EPB41L4B: variants seen among roughly 807,000 people sequenced by gnomAD.
The protein encoded by EPB41L4B is band 4.1-like protein 4B.
EPB41L4B carries 30 observed loss-of-function variants against 112.5 expected under a neutral mutation model. That is an observed-to-expected ratio of 0.27 (90% CI 0.20 to 0.36). The LOEUF is 0.36. Among genes scored for constraint, EPB41L4B ranks in the 10% least tolerant of loss-of-function variants. EPB41L4B has a pLI of 1.00. For synonymous variants in EPB41L4B, 408 were observed against 439.7 expected (o/e 0.93, Z 0.90); for missense variants, 1,024 against 1,133.3 (o/e 0.90, Z 1.38).
chr9:109,240,798 C>T (rs1430479014), intron 15 of EPB41L4B: 2 of 985,296 alleles, frequency 2.0e-6, no homozygotes. Flanking sequence ...AACCAATCCC[C>T]CAATTCTGAC....
intron 15 of EPB41L4B, among the ~76,000 whole-genome samples, chr9:109,231,165 A>T (rs1464388041): frequency 6.6e-6 from 1 of 152,092 alleles, no homozygotes; most frequent in Admixed American, 6.5e-5. Flanking sequence ...CTCAAAAAAA[A>T]AAAAAAAAAG....
intron 13 of EPB41L4B, among the ~76,000 whole-genome samples, chr9:109,250,936 C>T (rs1834764141): frequency 6.6e-6 from 1 of 152,222 alleles, no homozygotes; most frequent in Non-Finnish European, 1.5e-5. Flanking sequence ...CTGTGAAAGA[C>T]ACAGCAGAGC....
In EPB41L4B at chr9:109,250,225, G is replaced by C. The variant is rs770594581; in HGVS notation, c.1310+1256C>G. On this transcript the variant is annotated intron_variant, in intron 13 of 25. Coordinates refer to ENST00000374566, the MANE Select transcript of EPB41L4B (RefSeq NM_019114.5). Reference sequence around the variant, plus strand: ...TTGCAAAAAAGAAAACGGAGGCCCAGAAGTAGGAAGGCCTAAGTCTCCAGA... The same window carrying C: ...TTGCAAAAAAGAAAACGGAGGCCCACAAGTAGGAAGGCCTAAGTCTCCAGA... 5.9e-5 allele frequency among the ~76,000 whole-genome samples: 9 copies of C among 152,224 alleles called. No homozygotes were observed. The South Asian group carries it at 6.2e-4, about 11-fold the overall frequency.
At chr9:109,303,373 T>A (rs1837052060) in intron 1 of EPB41L4B, among the ~76,000 whole-genome samples, 1 of 152,210 alleles carries the variant, frequency 6.6e-6, no homozygotes, top group Non-Finnish European at 1.5e-5. Flanking sequence ...TGAGACAGCA[T>A]CTTGCTCTGT....
At chr9:109,183,422 A>C (rs1035615456) in intron 23 of EPB41L4B, among the ~76,000 whole-genome samples, 1 of 152,214 alleles carries the variant, frequency 6.6e-6, no homozygotes, top group Non-Finnish European at 1.5e-5. Context: ...GGCTTGATGC[A>C]CAAAGATGCC....
At chr9:109,287,482 G>A (rs189218202) in intron 1 of EPB41L4B, among the ~76,000 whole-genome samples, 1 of 152,328 alleles carries the variant, frequency 6.6e-6, no homozygotes, top group East Asian at 1.9e-4. Flanking sequence ...GAGGAAATAA[G>A]CTGTATGTGA....
chr9:109,236,810 C>T (rs564161305), intron 15 of EPB41L4B, among the ~76,000 whole-genome samples: 1 of 152,168 alleles, frequency 6.6e-6, no homozygotes, highest in Non-Finnish European at 1.5e-5. Flanking sequence ...CAGTGACTTG[C>T]TTTTTCTCTC....
intron 18 of EPB41L4B, among the ~76,000 whole-genome samples, chr9:109,207,357 T>A (rs1221377384): frequency 6.6e-6 from 1 of 151,822 alleles, no homozygotes; most frequent in Non-Finnish European, 1.5e-5. Context: ...ATTGCTTGAG[T>A]CCAGGAGTTC....
chr9:109,257,225 G>C (rs1835016002), intron 7 of EPB41L4B, among the ~76,000 whole-genome samples: 1 of 152,148 alleles, frequency 6.6e-6, no homozygotes. Flanking sequence ...AGGGATAAGA[G>C]AAAGTCATGC....
intron 13 of EPB41L4B, among the ~76,000 whole-genome samples, chr9:109,248,901 T>C (rs1196878380): frequency 6.6e-6 from 1 of 151,002 alleles, no homozygotes; most frequent in Non-Finnish European, 1.5e-5. Flanking sequence ...CTACTAAAAA[T>C]ACAAAAAATT....
At chr9:109,256,013 C>T (rs1445682677) in intron 9 of EPB41L4B, 123 bp downstream of exon 9, 1 of 1,131,798 alleles carries the variant, frequency 8.8e-7, no homozygotes, top group Non-Finnish European at 1.3e-6. Flanking sequence ...CCCACAACAG[C>T]AGCACCGTGT....
chr9:109,233,467 T>C (rs765674908), intron 15 of EPB41L4B, among the ~76,000 whole-genome samples: 3 of 151,944 alleles, frequency 2.0e-5, no homozygotes, highest in Non-Finnish European at 4.4e-5. Context: ...TTGCCCACAT[T>C]CCCTTTTTCA....
rs1832492674 is a variant in EPB41L4B at position 109,192,459 on chromosome 9, T to A, written c.2224-104A>T. On this transcript the variant is annotated intron_variant, in intron 21 of 25. Coordinates refer to ENST00000374566, the MANE Select transcript of EPB41L4B (RefSeq NM_019114.5). The stretch of plus-strand genomic sequence containing the variant: ...GTTCCCAGCCTCTCCTCTACACTGA[T>A]CTCATTAGCAATGACAATCCCCTTG... 6.8e-6 allele frequency: 5 copies of A among 740,344 alleles called. 1 individual carries two copies. The Admixed American group carries it at 8.6e-5, about 13-fold the overall frequency. The allele number at this position is 740,344 out of a possible 1,614,324, so 45.9% of individuals were successfully genotyped here. A position where few individuals can be genotyped will look rare whatever the true frequency, so the allele number is the denominator to read the frequency against.
At chr9:109,295,731 T>C (rs987375079) in intron 1 of EPB41L4B, among the ~76,000 whole-genome samples, 1 of 152,080 alleles carries the variant, frequency 6.6e-6, no homozygotes, top group Non-Finnish European at 1.5e-5. Flanking sequence ...TTTCTGCTAC[T>C]GAAAGGTTAA....
At position 109,172,920 on chromosome 9, in the gene EPB41L4B, T is replaced by C. The variant is rs1436915101; in HGVS notation, c.*1634A>G. ...TAAGGAGAGGGGCAGGAGAGCAAAC[T>C]ATACAATATAACATAAAAATACAGT... On this transcript the variant is annotated 3_prime_UTR_variant, in exon 26 of 26. Transcript: ENST00000374566. 1 of 152,566 alleles carries C rather than the reference T, an allele frequency of 6.6e-6. No individual in the cohort carries two copies. Among genetic ancestry groups the C allele is most frequent in the Non-Finnish European group, 1.5e-5 (1 of 68,012 alleles). 9.5% of individuals were successfully genotyped at this position (152,566 alleles called of 1,614,324 possible). A position where few individuals can be genotyped will look rare whatever the true frequency, so the allele number is the denominator to read the frequency against.
intron 14 of EPB41L4B, among the ~76,000 whole-genome samples, chr9:109,244,532 G>A (rs1428873528): frequency 7.2e-6 from 1 of 138,946 alleles, no homozygotes; most frequent in Non-Finnish European, 1.5e-5. Flanking sequence ...TCTACCTCCT[G>A]GGTTCAAGCG....
intron 2 of EPB41L4B, among the ~76,000 whole-genome samples, chr9:109,270,744 G>A (rs887803820): frequency 6.6e-6 from 1 of 152,062 alleles, no homozygotes; most frequent in African/African-American, 2.4e-5. Flanking sequence ...ACAAGTTTAG[G>A]CCTCCCTTTC....
intron 22 of EPB41L4B, among the ~76,000 whole-genome samples, chr9:109,190,037 A>T (rs569728436): frequency 1.6e-4 from 25 of 152,178 alleles, no homozygotes; most frequent in Non-Finnish European, 2.9e-4. Flanking sequence ...CTGGGTTCAA[A>T]TGATTCTCTT....
intron 2 of EPB41L4B, among the ~76,000 whole-genome samples, chr9:109,269,772 T>C (rs933726395): frequency 1.3e-5 from 2 of 152,156 alleles, no homozygotes; most frequent in Non-Finnish European, 2.9e-5. Context: ...TCAGAGGCCA[T>C]TCTGCTGACT....
Sources: allele counts gnomAD v4.1 joint callset (sites outside exome capture counted in the v4.1 genomes callset), GRCh38; gene constraint gnomAD v4.1.1; transcripts MANE v1.5; gene names NCBI Gene and HGNC (gene_info 2026-07-23, HGNC 2026-07-21).